The following POTEF variants were observed in gnomAD, a reference collection of about 807,000 sequenced individuals.
POTEF encodes the protein ANKRD26-like family C member 1B.
A neutral mutation model predicts 83.2 loss-of-function variants in POTEF; 20 were observed. The observed-to-expected ratio is 0.24, with a 90% confidence interval of 0.17 to 0.35. The LOEUF is 0.35. Ranked by LOEUF, POTEF falls within the 10% of genes least tolerant of loss-of-function variation. The probability of loss-of-function intolerance (pLI) is 1.00; values close to 1 mark genes in which losing one functional copy is unlikely to be tolerated. For synonymous variants in POTEF, 196 were observed against 446.4 expected (o/e 0.44, Z 7.07); for missense variants, 550 against 1,203.2 (o/e 0.46, Z 8.03).
rs1683765527 is a variant in POTEF, at chr2:130,075,371, T to C, written c.2101A>G (p.Met701Val). 2 of 1,612,172 alleles carry C rather than the reference T, an allele frequency of 1.2e-6. No homozygotes were observed. The highest frequency in any genetic ancestry group is 1.7e-6 in the Non-Finnish European group (2 of 1,179,844). ...LKALQLNELT[M>V]DDDTAVLVID... Reference sequence around the variant, plus strand: ...ACGAGCACAGCGGTATCATCATCCATGGTGAGCTCATTCAATTGTAGAGCC... The same window carrying C: ...ACGAGCACAGCGGTATCATCATCCACGGTGAGCTCATTCAATTGTAGAGCC... The change falls in exon 17 of 17, where the codon ATG (methionine) becomes GTG (valine). Residue 701 changes from methionine to valine, a missense_variant. Met to Val is a conservative substitution (Grantham distance 21). Coordinates refer to ENST00000409914, the MANE Select transcript of POTEF (RefSeq NM_001099771.2).
At chr2:130,076,897 A>G (rs1419491436) in intron 16 of POTEF, among the ~76,000 whole-genome samples, 184 bp downstream of exon 16, 2 of 150,730 alleles carry the variant, frequency 1.3e-5, no homozygotes, top group African/African-American at 2.5e-5. Context: ...CAACTGTTGC[A>G]GGCAAATGAA....
chr2:130,110,178 A>C (rs1047192681), intron 7 of POTEF, among the ~76,000 whole-genome samples: 1 of 151,524 alleles, frequency 6.6e-6, no homozygotes, highest in African/African-American at 2.4e-5. Flanking sequence ...TCCCCAGAAG[A>C]CAGTACAAGA....
At chr2:130,115,156 T>G in intron 4 of POTEF, 58 bp downstream of exon 4, 1 of 1,612,214 alleles carries the variant, frequency 6.2e-7, no homozygotes, top group Non-Finnish European at 8.5e-7. Flanking sequence ...AAACTCATTT[T>G]TATGCCATGT....
In POTEF at chr2:130,120,333, C is replaced by T. The variant is rs773639011; in HGVS notation, c.183G>A (p.Met61Ile). ...GGAAGCAGTGGCGGCACCACTTGCC[C>T]ATCTTGCTCCTGAGTGTCTTCATAG... ...DSAMKTLRSK[M>I]GKWCRHCFPC... Residue 61 changes from methionine to isoleucine, a missense_variant, in exon 3 of 17, where the codon ATG becomes ATA. Physicochemically the swap from Met to Ile is conservative, Grantham distance 10. Coordinates refer to ENST00000409914, the MANE Select transcript of POTEF (RefSeq NM_001099771.2). The T allele has an allele frequency of 2.5e-6, 4 of 1,608,556 alleles. No homozygotes were observed. Among genetic ancestry groups the T allele is most frequent in the Non-Finnish European group, 3.4e-6 (4 of 1,179,432 alleles).
At chr2:130,126,106 C>T (rs550472461) in intron 2 of POTEF, among the ~76,000 whole-genome samples, 227 of 149,694 alleles carry the variant, frequency 1.5e-3, no homozygotes, top group Non-Finnish European at 2.4e-3. Context: ...GAGTTCAAGA[C>T]CAGCCTGACC....
chr2:130,105,247 T>C (rs1183329815), intron 8 of POTEF, among the ~76,000 whole-genome samples: 2 of 151,248 alleles, frequency 1.3e-5, no homozygotes, highest in Non-Finnish European at 2.9e-5. Flanking sequence ...ACTATTAATG[T>C]TATTTCTTAC....
intron 9 of POTEF, among the ~76,000 whole-genome samples, chr2:130,101,231 C>T (rs1684363897): frequency 6.7e-6 from 1 of 149,242 alleles, no homozygotes; most frequent in South Asian, 2.1e-4. Flanking sequence ...GAGCCGAAAT[C>T]AACACCAAAC....
At chr2:130,117,513 CAT>C (rs757286137) in intron 3 of POTEF, among the ~76,000 whole-genome samples, 7 of 152,138 alleles carry the variant, frequency 4.6e-5, no homozygotes, top group Non-Finnish European at 1.5e-5. Context: ...ATATTTTCTA[CAT>C]GTTTTCAGCT....
Position 130,120,464 on chromosome 2 carries a change from A to G in POTEF, c.52T>C (p.Phe18Leu), listed in dbSNP as rs764540043. Reference sequence around the variant, plus strand: ...TTGCCCATCTTGCTCCTGAGACCAAATGGCTTCTTCACAGAAGAGGCAGCC... The same window carrying G: ...TTGCCCATCTTGCTCCTGAGACCAAGTGGCTTCTTCACAGAAGAGGCAGCC... ...MPAASSVKKP[F>L]GLRSKMGKWC... Residue 18 changes from phenylalanine (F) to leucine (L), a missense_variant, in exon 3 of 17, where the codon TTT becomes CTT. Physicochemically the swap from Phe to Leu is conservative, Grantham distance 22. Coordinates refer to ENST00000409914, the MANE Select transcript of POTEF (RefSeq NM_001099771.2). 6 of 1,613,486 alleles carry G rather than the reference A, an allele frequency of 3.7e-6. No individual in the cohort carries two copies. In the Admixed American group the frequency reaches 6.7e-5, roughly 18 times the overall value.
intron 3 of POTEF, among the ~76,000 whole-genome samples, chr2:130,117,850 T>C (rs565197583): frequency 6.6e-6 from 1 of 152,184 alleles, no homozygotes; most frequent in African/African-American, 2.4e-5. Flanking sequence ...TGAAAAGCTG[T>C]AGCAATTTAA....
Position 130,104,237 on chromosome 2 carries a change from C to A in POTEF, c.1127-2057G>T, listed in dbSNP as rs3863893. ...ACTTAATACTTGGTTTGGGAAGGTG[C>A]TTTCTAAAGTTATAGTGCCTATGAA... is the stretch of plus-strand genomic sequence containing the variant. On this transcript the variant is annotated intron_variant, in intron 8 of 16. Transcript: ENST00000409914. 7.0e-3 allele frequency among the ~76,000 whole-genome samples: 1,013 copies of A among 144,544 alleles called. 12 individuals carry two copies. The highest frequency in any genetic ancestry group is 0.066 in the East Asian group (325 of 4,938). 94.8% of individuals were successfully genotyped at this position (144,544 alleles called of 152,430 possible). A position where few individuals can be genotyped will look rare whatever the true frequency, so the allele number is the denominator to read the frequency against.
chr2:130,109,139 T>G (rs1256330860), intron 7 of POTEF: 1 of 151,228 alleles, frequency 6.6e-6, no homozygotes, highest in Non-Finnish European at 1.5e-5. Flanking sequence ...CCATTTTGCT[T>G]TGATTCACAC....
intron 2 of POTEF, among the ~76,000 whole-genome samples, chr2:130,125,009 C>G (rs1271008381): frequency 6.6e-6 from 1 of 151,564 alleles, no homozygotes; most frequent in Non-Finnish European, 1.5e-5. Flanking sequence ...TGCCCAGTCA[C>G]TGATGCACCT....
intron 2 of POTEF, among the ~76,000 whole-genome samples, chr2:130,127,458 G>T (rs1343889849): frequency 6.8e-6 from 1 of 147,812 alleles, no homozygotes; most frequent in South Asian, 2.1e-4. Flanking sequence ...GATTGCAAGA[G>T]AAGGGGGAGG....
rs1278724405 is a variant in POTEF at position 130,120,400 on chromosome 2, C to A, written c.116G>T (p.Gly39Val). ...TCCAGAAGTGCCCACGTTGCTCTTG[C>A]CGCTCTCCCTGCAGCAGGGGAAGCA... ...CRCFPCCRES[G>V]KSNVGTSGDH... is the part of the protein sequence containing the mutation. Residue 39 changes from glycine (G) to valine (V), a missense_variant, in exon 3 of 17, where the codon GGC becomes GTC. Physicochemically the swap from Gly to Val is moderately radical, Grantham distance 109. Transcript: ENST00000409914. The A allele has an allele frequency of 4.3e-6, 7 of 1,612,534 alleles. No homozygotes were observed. In the Admixed American group the frequency reaches 1.2e-4, roughly 27 times the overall value.
At chr2:130,106,962 T>C (rs1361968512) in intron 8 of POTEF, among the ~76,000 whole-genome samples, 5 of 149,668 alleles carry the variant, frequency 3.3e-5, no homozygotes, top group African/African-American at 5.0e-5. Context: ...AGATCAAAAC[T>C]ACATCTATTC....
At chr2:130,125,761 C>T (rs1685077073) in intron 2 of POTEF, among the ~76,000 whole-genome samples, 2 of 151,858 alleles carry the variant, frequency 1.3e-5, no homozygotes, top group Non-Finnish European at 2.9e-5. Flanking sequence ...CAAAAAGTAG[C>T]CGGGCGTGGT....
intron 8 of POTEF, among the ~76,000 whole-genome samples, chr2:130,103,275 G>C (rs145940609): frequency 0.018 from 2,646 of 149,896 alleles, 165 homozygotes; most frequent in African/African-American, 0.063. Flanking sequence ...GCTAATTTTC[G>C]TGTTTTTAGT....
chr2:130,117,950 T>C (rs919629693), intron 3 of POTEF, among the ~76,000 whole-genome samples: 2 of 119,642 alleles, frequency 1.7e-5, no homozygotes, highest in Non-Finnish European at 3.7e-5. Context: ...TTTTTTCTTT[T>C]TTTTTTTTGA....
Sources: allele counts gnomAD v4.1 joint callset (sites outside exome capture counted in the v4.1 genomes callset), GRCh38; gene constraint gnomAD v4.1.1; transcripts MANE v1.5; gene names NCBI Gene and HGNC (gene_info 2026-07-23, HGNC 2026-07-21).